The following TMTC2 variants were observed in gnomAD, a reference collection of about 807,000 sequenced individuals.
TMTC2 encodes the protein transmembrane O-mannosyltransferase targeting cadherins 2.
Under a neutral mutation model 82.4 loss-of-function variants are expected in TMTC2, and 43 were observed. The observed-to-expected ratio is 0.52, with a 90% CI of 0.41 to 0.67. The LOEUF (loss-of-function observed/expected upper bound fraction) is 0.67, where lower values mean the gene tolerates loss of function less well. Among genes scored for constraint, TMTC2 ranks in the 30% least tolerant of loss-of-function variants. The pLI, the probability that TMTC2 is intolerant of heterozygous loss-of-function variation, is 0.00. For missense variants in TMTC2, 919 were observed against 1,012.4 expected, an observed-to-expected ratio of 0.91 and a Z score of 1.25; for synonymous variants, 408 against 381.9, an observed-to-expected ratio of 1.07 and a Z score of -0.80.
intron 11 of TMTC2, among the ~76,000 whole-genome samples, chr12:83,090,122 A>G (rs1435436199): frequency 6.6e-6 from 1 of 152,194 alleles, no homozygotes; most frequent in African/African-American, 2.4e-5. Flanking sequence ...TGTTAACTGT[A>G]GTTTGGATGT....
At chr12:83,095,872 T>A (rs1057232579) in intron 11 of TMTC2, among the ~76,000 whole-genome samples, 2 of 152,250 alleles carry the variant, frequency 1.3e-5, no homozygotes, top group African/African-American at 4.8e-5. Flanking sequence ...AGATCTTTTA[T>A]CTTCAGCATT....
intron 1 of TMTC2, among the ~76,000 whole-genome samples, chr12:82,835,609 G>T (rs1303439742): frequency 6.6e-6 from 1 of 152,156 alleles, no homozygotes; most frequent in African/African-American, 2.4e-5. Context: ...GCTTAGAATA[G>T]AATCAACATT....
chr12:82,794,875 C>T (rs1489609808), intron 1 of TMTC2, among the ~76,000 whole-genome samples: 1 of 152,102 alleles, frequency 6.6e-6, no homozygotes, highest in Non-Finnish European at 1.5e-5. Flanking sequence ...TAGTCTCTGC[C>T]TTGTAATAAC....
chr12:82,846,211 T>C (rs1386898900), intron 1 of TMTC2, among the ~76,000 whole-genome samples: 2 of 151,870 alleles, frequency 1.3e-5, no homozygotes, highest in African/African-American at 4.8e-5. Flanking sequence ...ATACAAAAAT[T>C]AGCCAGCATT....
chr12:82,934,037 C>G (rs1429661314), intron 4 of TMTC2, among the ~76,000 whole-genome samples: 1 of 152,002 alleles, frequency 6.6e-6, no homozygotes, highest in Non-Finnish European at 1.5e-5. Flanking sequence ...GCTTCAATTA[C>G]CTCTGTGTGC....
intron 1 of TMTC2, among the ~76,000 whole-genome samples, chr12:82,815,192 T>C (rs1868621583): frequency 6.6e-6 from 1 of 151,662 alleles, no homozygotes; most frequent in Non-Finnish European, 1.5e-5. Flanking sequence ...GACAAGAGTT[T>C]AGCTCTGTGG....
intron 8 of TMTC2, among the ~76,000 whole-genome samples, chr12:83,004,986 T>C (rs897557404): frequency 5.5e-5 from 8 of 146,734 alleles, no homozygotes; most frequent in African/African-American, 2.2e-4. Context: ...ACACTGTCTC[T>C]ACTAAAAATA....
intron 6 of TMTC2, 33 bp downstream of exon 6, chr12:82,965,777 C>T (rs1348475740): frequency 6.2e-7 from 1 of 1,611,118 alleles, no homozygotes; most frequent in East Asian, 2.2e-5. Context: ...CTTTTCCCTC[C>T]CCCTTGTTCT....
intron 1 of TMTC2, among the ~76,000 whole-genome samples, chr12:82,757,648 A>G (rs73356345): frequency 3.9e-5 from 6 of 152,292 alleles, no homozygotes; most frequent in Admixed American, 2.6e-4. Flanking sequence ...CCTTATTTGT[A>G]TATTTCTCTC....
intron 3 of TMTC2, among the ~76,000 whole-genome samples, chr12:82,897,593 T>G (rs948556216): frequency 3.3e-5 from 5 of 152,162 alleles, no homozygotes; most frequent in Middle Eastern, 3.2e-3. Flanking sequence ...TGGCATGATC[T>G]CGACTTACTG....
At chr12:82,888,728 A>G (rs1873232299) in intron 2 of TMTC2, among the ~76,000 whole-genome samples, 2 of 152,208 alleles carry the variant, frequency 1.3e-5, no homozygotes, top group African/African-American at 2.4e-5. Flanking sequence ...TTGAATTCCT[A>G]CAAATGTCAG....
intron 2 of TMTC2, among the ~76,000 whole-genome samples, chr12:82,862,394 T>C (rs1175860158): frequency 1.3e-5 from 2 of 152,216 alleles, no homozygotes; most frequent in African/African-American, 4.8e-5. Flanking sequence ...ATTAGCCTCA[T>C]AACCACTTAT....
intron 11 of TMTC2, among the ~76,000 whole-genome samples, chr12:83,112,123 G>T (rs146605656): frequency 1.3e-5 from 2 of 152,194 alleles, no homozygotes; most frequent in Non-Finnish European, 2.9e-5. Flanking sequence ...GACTCCTTCA[G>T]TGAGTTTCTT....
At chr12:82,737,288 A>G (rs1875174296) in intron 1 of TMTC2, among the ~76,000 whole-genome samples, 1 of 152,194 alleles carries the variant, frequency 6.6e-6, no homozygotes, top group African/African-American at 2.4e-5. Context: ...TCCATCCTAC[A>G]TTATGTTCAG....
intron 11 of TMTC2, among the ~76,000 whole-genome samples, chr12:83,108,629 CAA>C (rs201586162): frequency 1.3e-4 from 14 of 108,142 alleles, no homozygotes; most frequent in Admixed American, 2.0e-4. Flanking sequence ...GACTCCATCT[CAA>C]AAAAAAAAAA....
chr12:83,130,191 G>A (rs1472083833), intron 11 of TMTC2, among the ~76,000 whole-genome samples: 1 of 152,214 alleles, frequency 6.6e-6, no homozygotes, highest in African/African-American at 2.4e-5. Flanking sequence ...AATTTAGGCT[G>A]TGAGCATACT....
chr12:82,758,251 C>T (rs1012671254), intron 1 of TMTC2, among the ~76,000 whole-genome samples: 1 of 151,980 alleles, frequency 6.6e-6, no homozygotes, highest in South Asian at 2.1e-4. Context: ...TTTAGATATG[C>T]ATGGTTTTGA....
At chr12:82,761,884 T>TTCTTTCTCTCTCTCTCTTTCTC (rs141652120) in intron 1 of TMTC2, among the ~76,000 whole-genome samples, 28 of 150,030 alleles carry the variant, frequency 1.9e-4, no homozygotes, top group Admixed American at 9.3e-4. Flanking sequence ...CTTTCTTTCT[T>TTCTTTCTCTCTCTCTCTTTCTC]TCTCTCTCTT....
chr12:82,687,313 G>A lies in TMTC2; in HGVS notation c.-274G>A. ...GCCCTGCGCTTCCGCCGGGGGACGC[G>A]GAGCCCAAACGCCGCTCACCGCTTG... On this transcript the variant is annotated 5_prime_UTR_variant, in exon 1 of 12. Coordinates refer to ENST00000321196, the MANE Select transcript of TMTC2 (RefSeq NM_152588.3). 7 of 523,224 alleles carry A rather than the reference G, an allele frequency of 1.3e-5. No individual in the cohort carries two copies. Among genetic ancestry groups the A allele is most frequent in the Non-Finnish European group, 2.4e-5 (7 of 288,636 alleles). 32.4% of individuals were successfully genotyped at this position (523,224 alleles called of 1,614,324 possible). A position where few individuals can be genotyped will look rare whatever the true frequency, so the allele number is the denominator to read the frequency against.
Sources: allele counts gnomAD v4.1 joint callset (sites outside exome capture counted in the v4.1 genomes callset), GRCh38; gene constraint gnomAD v4.1.1; transcripts MANE v1.5; gene names NCBI Gene and HGNC (gene_info 2026-07-23, HGNC 2026-07-21).